The following ST6GAL2 variants were observed in gnomAD, a reference collection of about 807,000 sequenced individuals.
The protein encoded by ST6GAL2 is ST6 beta-galactoside alpha-2,6-sialyltransferase 2.
A neutral mutation model predicts 37.5 loss-of-function variants in ST6GAL2; 24 were observed. The observed-to-expected ratio is 0.64, with a 90% CI of 0.46 to 0.90. The LOEUF is 0.90. ST6GAL2 is among the 40% of genes least tolerant of loss of function. The pLI is 0.00. For missense variants in ST6GAL2, 715 were observed against 712.7 expected, an observed-to-expected ratio of 1.00 and a Z score of -0.04; for synonymous variants, 306 against 295.1, an observed-to-expected ratio of 1.04 and a Z score of -0.38.
chr2:106,862,679 C>T (rs909779851), intron 1 of ST6GAL2, among the ~76,000 whole-genome samples: 2 of 151,574 alleles, frequency 1.3e-5, no homozygotes, highest in Non-Finnish European at 2.9e-5. Flanking sequence ...AATCATTAGT[C>T]CCAATTCTGC....
At chr2:106,880,749 T>G (rs1678716566) in intron 1 of ST6GAL2, among the ~76,000 whole-genome samples, 1 of 150,544 alleles carries the variant, frequency 6.6e-6, no homozygotes, top group Admixed American at 6.6e-5. Flanking sequence ...CTTCCTTCAG[T>G]TGGAAGGGCT....
intron 5 of ST6GAL2, among the ~76,000 whole-genome samples, chr2:106,825,725 G>A (rs183218704): frequency 1.3e-5 from 2 of 152,212 alleles, no homozygotes; most frequent in Admixed American, 6.5e-5. Context: ...CTTTTCCTTC[G>A]TTGGACTTAT....
At chr2:106,810,592 C>T (rs975922355) in intron 5 of ST6GAL2, among the ~76,000 whole-genome samples, 61 of 152,254 alleles carry the variant, frequency 4.0e-4, no homozygotes, top group African/African-American at 1.3e-3. Context: ...CAGCCAGCTG[C>T]AGCCACTGAT....
At chr2:106,870,154 C>T (rs1678204971) in intron 1 of ST6GAL2, among the ~76,000 whole-genome samples, 1 of 152,174 alleles carries the variant, frequency 6.6e-6, no homozygotes, top group Non-Finnish European at 1.5e-5. Context: ...CTGATACCCA[C>T]AGAATGAGAT....
Position 106,806,703 on chromosome 2 carries a change from G to C in ST6GAL2, c.1565C>G (p.Pro522Arg). 1 of 1,614,098 alleles carries C rather than the reference G, an allele frequency of 6.2e-7. No individual in the cohort carries two copies. The highest frequency in any genetic ancestry group is 8.5e-7 in the Non-Finnish European group (1 of 1,180,004). The change falls in exon 6 of 6, where the codon CCA becomes CGA. Residue 522 changes from proline (P) to arginine (R), a missense_variant. Physicochemically the swap from Pro to Arg is moderately radical, Grantham distance 103. Coordinates refer to ENST00000409382, the MANE Select transcript of ST6GAL2 (RefSeq NM_001142351.2). ...TTAAGAGTGTGGAATGACTGGACTTGGTGCAGGGCAGTGCACCGCCTGGAA... is the reference window on the plus strand; with the variant it reads ...TTAAGAGTGTGGAATGACTGGACTTCGTGCAGGGCAGTGCACCGCCTGGAA... ...PGFQAVHCPA[P>R]SPVIPHS
Position 106,808,414 on chromosome 2 carries a change from A to G in ST6GAL2, c.1319-1465T>C, listed in dbSNP as rs1558672490. Among the ~76,000 whole-genome samples the G allele has an allele frequency of 2.0e-5, 3 of 152,346 alleles. No homozygotes were observed. In the East Asian group the frequency reaches 5.8e-4, roughly 29 times the overall value. ...CACTCCTAACAAAGACAAGGGGATT[A>G]TGCACTTCAAATTCTATGCAGTCAA... On this transcript the variant is annotated intron_variant, in intron 5 of 5. Coordinates refer to ENST00000409382, the MANE Select transcript of ST6GAL2 (RefSeq NM_001142351.2).
chr2:106,845,342 T>C (rs533845083), intron 1 of ST6GAL2, among the ~76,000 whole-genome samples: 1 of 152,268 alleles, frequency 6.6e-6, no homozygotes, highest in South Asian at 2.1e-4. Context: ...GCAAAGGAGT[T>C]ATGCATTGGT....
chr2:106,809,316 G>T (rs1675528179), intron 5 of ST6GAL2, among the ~76,000 whole-genome samples: 1 of 152,182 alleles, frequency 6.6e-6, no homozygotes, highest in Non-Finnish European at 1.5e-5. Flanking sequence ...ATGGCAGGGG[G>T]GTGGCTTCAA....
intron 5 of ST6GAL2, chr2:106,813,207 C>T: frequency 1.5e-6 from 2 of 1,369,466 alleles, no homozygotes; most frequent in Non-Finnish European, 1.9e-6. Flanking sequence ...CTGATATGGC[C>T]AATTTTTACA....
chr2:106,870,508 A>G (rs1213561043), intron 1 of ST6GAL2, among the ~76,000 whole-genome samples: 1 of 152,176 alleles, frequency 6.6e-6, no homozygotes, highest in African/African-American at 2.4e-5. Flanking sequence ...AATATAAATC[A>G]GTTGAAAAAG....
At chr2:106,862,929 C>T (rs1677867988) in intron 1 of ST6GAL2, among the ~76,000 whole-genome samples, 1 of 151,302 alleles carries the variant, frequency 6.6e-6, no homozygotes, top group East Asian at 1.9e-4. Flanking sequence ...TTTTTCCCAA[C>T]CTAAAAATAA....
intron 1 of ST6GAL2, among the ~76,000 whole-genome samples, chr2:106,864,252 G>C (rs1677930902): frequency 6.6e-6 from 1 of 152,154 alleles, no homozygotes; most frequent in African/African-American, 2.4e-5. Flanking sequence ...GGCACTGCCA[G>C]ACACACACCT....
intron 5 of ST6GAL2, among the ~76,000 whole-genome samples, chr2:106,822,641 A>G (rs1490509150): frequency 6.6e-6 from 1 of 152,186 alleles, no homozygotes; most frequent in Non-Finnish European, 1.5e-5. Flanking sequence ...AAACAGAAAA[A>G]AAATCTTAAA....
intron 1 of ST6GAL2, among the ~76,000 whole-genome samples, chr2:106,873,114 C>A (rs539540979): frequency 6.6e-6 from 1 of 152,242 alleles, no homozygotes; most frequent in South Asian, 2.1e-4. Flanking sequence ...TCTAATGACC[C>A]CAAATGCTCA....
chr2:106,817,825 G>A (rs1675859077), intron 5 of ST6GAL2, among the ~76,000 whole-genome samples: 1 of 152,178 alleles, frequency 6.6e-6, no homozygotes, highest in African/African-American at 2.4e-5. Context: ...CCTGCCCTGG[G>A]CCAGAGGGGA....
At chr2:106,868,329 C>T (rs910698144) in intron 1 of ST6GAL2, among the ~76,000 whole-genome samples, 22 of 152,140 alleles carry the variant, frequency 1.4e-4, no homozygotes, top group African/African-American at 5.1e-4. Context: ...GGTGCAGGGC[C>T]TGGAATTTGA....
chr2:106,816,227 C>T (rs541797345), intron 5 of ST6GAL2, among the ~76,000 whole-genome samples: 2 of 152,196 alleles, frequency 1.3e-5, no homozygotes, highest in South Asian at 4.2e-4. Flanking sequence ...CATTCTCTTC[C>T]TTAAGGTTTG....
intron 2 of ST6GAL2, among the ~76,000 whole-genome samples, chr2:106,838,756 T>C (rs1454590470): frequency 6.6e-6 from 1 of 152,166 alleles, no homozygotes. Flanking sequence ...GCACTTTGGG[T>C]TGGGCACAGT....
chr2:106,864,502 C>A (rs1231681868), intron 1 of ST6GAL2, among the ~76,000 whole-genome samples: 1 of 152,170 alleles, frequency 6.6e-6, no homozygotes, highest in Non-Finnish European at 1.5e-5. Context: ...ATTCTTTTTG[C>A]AAAATGTATT....
Sources: allele counts gnomAD v4.1 joint callset (sites outside exome capture counted in the v4.1 genomes callset), GRCh38; gene constraint gnomAD v4.1.1; transcripts MANE v1.5; gene names NCBI Gene and HGNC (gene_info 2026-07-23, HGNC 2026-07-21).